CWC27: variants seen among roughly 807,000 people sequenced by gnomAD.
The protein encoded by CWC27 is CWC27 spliceosome associated cyclophilin.
In CWC27, 47 loss-of-function variants were observed where a neutral mutation model predicts 63.6. The observed-to-expected ratio is 0.74, with a 90% CI of 0.58 to 0.94. The LOEUF is 0.94. Ranked by LOEUF, CWC27 falls within the 40% of genes least tolerant of loss-of-function variation. The probability of loss-of-function intolerance (pLI) is 0.00; values close to 1 mark genes in which losing one functional copy is unlikely to be tolerated. For synonymous variants in CWC27, 175 were observed against 179.8 expected, an observed-to-expected ratio of 0.97 and a Z score of 0.22; for missense variants, 495 against 554.3, an observed-to-expected ratio of 0.89 and a Z score of 1.07.
intron 7 of CWC27, among the ~76,000 whole-genome samples, chr5:64,793,419 G>A (rs1249363477): frequency 1.3e-5 from 2 of 152,120 alleles, no homozygotes; most frequent in Non-Finnish European, 2.9e-5. Flanking sequence ...CTTAGAGAAA[G>A]GGAAATTGTT....
At chr5:64,948,748 G>T (rs773532704) in intron 11 of CWC27, among the ~76,000 whole-genome samples, 3 of 151,998 alleles carry the variant, frequency 2.0e-5, no homozygotes, top group Non-Finnish European at 2.9e-5. Flanking sequence ...AATTGAGTGT[G>T]CAGATGAACT....
intron 10 of CWC27, among the ~76,000 whole-genome samples, chr5:64,847,412 A>T (rs1413509326): frequency 6.6e-6 from 1 of 152,244 alleles, no homozygotes; most frequent in African/African-American, 2.4e-5. Flanking sequence ...ATCTGAAGGG[A>T]GAAATAGATT....
At chr5:64,953,572 G>A (rs996335654) in intron 11 of CWC27, among the ~76,000 whole-genome samples, 36 of 151,928 alleles carry the variant, frequency 2.4e-4, no homozygotes, top group African/African-American at 8.2e-4. Context: ...CGAGAAGAAA[G>A]TGTAAGATTG....
chr5:64,924,956 G>GACACACACACACACACACAC (rs36083384), intron 11 of CWC27, among the ~76,000 whole-genome samples: 11 of 145,466 alleles, frequency 7.6e-5, no homozygotes, highest in African/African-American at 2.5e-4. Flanking sequence ...GTCTTTCTTA[G>GACACACACACACACACACAC]ACACACACAC....
chr5:64,956,367 A>G (rs921267647), intron 11 of CWC27, among the ~76,000 whole-genome samples: 2 of 151,946 alleles, frequency 1.3e-5, no homozygotes, highest in African/African-American at 4.8e-5. Context: ...TTTATTCCCC[A>G]TCTTATTTAT....
intron 10 of CWC27, among the ~76,000 whole-genome samples, chr5:64,841,292 C>T (rs1235803578): frequency 6.6e-6 from 1 of 152,264 alleles, no homozygotes; most frequent in African/African-American, 2.4e-5. Flanking sequence ...TTCAGGAGCT[C>T]ACACCCATAA....
Position 64,898,618 on chromosome 5 carries a change from C to A in CWC27, c.1042+13072C>A, listed in dbSNP as rs78893025. On this transcript the variant is annotated intron_variant, in intron 11 of 13. Transcript: ENST00000381070. ...ATTAGTGAAATTTCTATTGATAGTGCTAGTTTTATTAGCTACAAAAGAAGT... is the reference window on the plus strand; with the variant it reads ...ATTAGTGAAATTTCTATTGATAGTGATAGTTTTATTAGCTACAAAAGAAGT... Among the ~76,000 whole-genome samples the A allele has an allele frequency of 2.7e-4, 41 of 151,810 alleles. 1 individual carries two copies. The East Asian group carries it at 5.2e-3, about 19-fold the overall frequency.
intron 11 of CWC27, among the ~76,000 whole-genome samples, chr5:64,951,906 T>C (rs1433025504): frequency 6.6e-6 from 1 of 151,970 alleles, no homozygotes; most frequent in Non-Finnish European, 1.5e-5. Flanking sequence ...CTTCCAAATA[T>C]GTGTTTATAA....
At chr5:64,895,876 A>G (rs1374651725) in intron 11 of CWC27, among the ~76,000 whole-genome samples, 1 of 152,202 alleles carries the variant, frequency 6.6e-6, no homozygotes, top group Non-Finnish European at 1.5e-5. Context: ...AATCATGTAG[A>G]ACTCAGCCCA....
intron 13 of CWC27, among the ~76,000 whole-genome samples, chr5:65,009,982 C>T (rs778284516): frequency 2.0e-5 from 3 of 152,146 alleles, no homozygotes; most frequent in Non-Finnish European, 4.4e-5. Flanking sequence ...TGCACATTAC[C>T]ACCCCTCTCC....
intron 11 of CWC27, among the ~76,000 whole-genome samples, chr5:64,894,210 G>A (rs1747313230): frequency 6.6e-6 from 1 of 152,022 alleles, no homozygotes; most frequent in African/African-American, 2.4e-5. Context: ...TTATAGATGT[G>A]AGCCACCGCG....
In CWC27 at chr5:64,978,227, C is replaced by T. The variant is rs188384634; in HGVS notation, c.1256+989C>T. ...CACTTATTAAGAAAACATTCAAACACGTAAGACTCTGCAACTGTATATAAC... is the reference window on the plus strand; with the variant it reads ...CACTTATTAAGAAAACATTCAAACATGTAAGACTCTGCAACTGTATATAAC... On this transcript the variant is annotated intron_variant, in intron 13 of 13. Coordinates refer to ENST00000381070, the MANE Select transcript of CWC27 (RefSeq NM_005869.4). 2.6e-5 allele frequency among the ~76,000 whole-genome samples: 4 copies of T among 152,292 alleles called. No individual in the cohort carries two copies. In the East Asian group the frequency reaches 7.7e-4, roughly 29 times the overall value.
intron 11 of CWC27, among the ~76,000 whole-genome samples, chr5:64,957,811 TA>T (rs908153054): frequency 6.6e-6 from 1 of 152,126 alleles, no homozygotes; most frequent in Non-Finnish European, 1.5e-5. Flanking sequence ...AAATTATTAG[TA>T]AAAATAAGAC....
chr5:64,936,772 T>G (rs910581502), intron 11 of CWC27, among the ~76,000 whole-genome samples: 1 of 152,222 alleles, frequency 6.6e-6, no homozygotes, highest in Non-Finnish European at 1.5e-5. Context: ...TGCCTTAAAT[T>G]CAGAACTTGT....
intron 10 of CWC27, among the ~76,000 whole-genome samples, chr5:64,884,639 C>T (rs958828912): frequency 2.6e-5 from 4 of 152,034 alleles, no homozygotes; most frequent in African/African-American, 7.2e-5. Context: ...TTGAAAATAC[C>T]GTGGGTACTT....
chr5:64,989,533 G>C (rs1209124479), intron 13 of CWC27, among the ~76,000 whole-genome samples: 1 of 152,202 alleles, frequency 6.6e-6, no homozygotes, highest in East Asian at 1.9e-4. Context: ...TCACCAGAGA[G>C]AAGTTGAAAA....
chr5:64,769,253 G>T (rs887080705), intron 1 of CWC27, 65 bp downstream of exon 1: 30 of 1,460,290 alleles, frequency 2.1e-5, no homozygotes, highest in Non-Finnish European at 2.8e-5. Flanking sequence ...CCGGATTTGG[G>T]GTGGGGAGTG....
intron 2 of CWC27, among the ~76,000 whole-genome samples, chr5:64,779,599 G>A (rs1239688952): frequency 6.6e-6 from 1 of 152,074 alleles, no homozygotes; most frequent in Non-Finnish European, 1.5e-5. Flanking sequence ...TCACTATAAT[G>A]TGCAGCCGGC....
chr5:64,912,597 G>A (rs1390596448), intron 11 of CWC27, among the ~76,000 whole-genome samples: 1 of 152,026 alleles, frequency 6.6e-6, no homozygotes, highest in African/African-American at 2.4e-5. Context: ...GCCAAAAACT[G>A]GTTCTTTTAA....
Sources: gnomAD v4.1 joint callset for allele counts (sites outside exome capture counted in the v4.1 genomes callset) on GRCh38, gnomAD v4.1.1 for gene constraint, MANE v1.5 for transcripts, NCBI Gene and HGNC (gene_info 2026-07-23, HGNC 2026-07-21) for gene names.